ACOXL: variants seen among roughly 807,000 people sequenced by gnomAD.
ACOXL encodes the protein acyl-coenzyme A oxidase-like protein.
ACOXL carries 70 observed loss-of-function variants against 71.9 expected under a neutral mutation model. The ratio of observed to expected loss-of-function variants is 0.97; its 90% CI spans 0.80 to 1.19. The LOEUF (loss-of-function observed/expected upper bound fraction) is 1.19. ACOXL is among the 50% of genes most tolerant of loss of function. ACOXL has a pLI of 0.00. For missense variants in ACOXL, 703 were observed against 736.3 expected (o/e 0.95, Z 0.52); for synonymous variants, 253 against 281.6 (o/e 0.90, Z 1.02).
chr2:110,872,567 AG>A (rs1695408340), intron 10 of ACOXL, among the ~76,000 whole-genome samples: 1 of 152,218 alleles, frequency 6.6e-6, no homozygotes, highest in Non-Finnish European at 1.5e-5. Context: ...AGCCTCTCCC[AG>A]GTTCTCATGC....
At chr2:111,106,359 T>C (rs2069539529) in intron 17 of ACOXL, among the ~76,000 whole-genome samples, 1 of 152,220 alleles carries the variant, frequency 6.6e-6, no homozygotes, top group South Asian at 2.1e-4. Flanking sequence ...ATAATTTCTA[T>C]TTGGGCTCCT....
chr2:111,068,712 C>T (rs78710793), intron 16 of ACOXL, among the ~76,000 whole-genome samples: 20 of 152,304 alleles, frequency 1.3e-4, no homozygotes, highest in African/African-American at 2.4e-4. Flanking sequence ...TGGTCACCGA[C>T]GGGTTTCTTT....
At chr2:111,102,291 G>T (rs1402401143) in intron 17 of ACOXL, among the ~76,000 whole-genome samples, 1 of 152,164 alleles carries the variant, frequency 6.6e-6, no homozygotes, top group Non-Finnish European at 1.5e-5. Flanking sequence ...CAGTAAAAGG[G>T]ACCCTGAGGT....
chr2:110,912,089 A>G (rs748628820), intron 11 of ACOXL, among the ~76,000 whole-genome samples: 37 of 152,102 alleles, frequency 2.4e-4, no homozygotes, highest in Non-Finnish European at 4.9e-4. Flanking sequence ...AAAGAATAAA[A>G]TACTTAAGGA....
At position 110,874,358 on chromosome 2, in the gene ACOXL, C is replaced by T. The variant is rs1695636524; in HGVS notation, c.788+32953C>T. Among the ~76,000 whole-genome samples, 6 of 152,276 alleles carry T rather than the reference C, an allele frequency of 3.9e-5. No individual in the cohort carries two copies. In the South Asian group the frequency reaches 1.2e-3, roughly 32 times the overall value. ...AAATACGTCTCTCCCACCCCCACCC[C>T]AGCCCCTGGTTTCCCTTCCAGCCAC... is the stretch of plus-strand genomic sequence containing the variant. On this transcript the variant is annotated intron_variant, in intron 10 of 17. Coordinates refer to ENST00000439055, the MANE Select transcript of ACOXL (RefSeq NM_001142807.4).
Position 111,117,772 on chromosome 2 carries a change from G to T in ACOXL, c.1699G>T (p.Glu567Ter). The change falls in exon 18 of 18, where the codon GAA (glutamate) becomes TAA (stop). Residue 567 changes from glutamate to a stop codon, truncating the protein, a stop_gained. Coordinates refer to ENST00000439055, the MANE Select transcript of ACOXL (RefSeq NM_001142807.4). LOFTEE classifies it low-confidence loss of function (END_TRUNC). ...YPAPLQPRPR[E>*]EARSRRPKLG... ...TGCACCGCTGCAGCCGCGGCCACGG[G>T]AAGAGGCGCGCTCCCGGCGGCCCAA... 1 of 1,551,152 alleles carries T rather than the reference G, an allele frequency of 6.4e-7. No homozygotes were observed. Among genetic ancestry groups the T allele is most frequent in the African/African-American group, 1.4e-5 (1 of 73,176 alleles).
intron 14 of ACOXL, among the ~76,000 whole-genome samples, chr2:111,025,152 A>C (rs2149722512): frequency 6.6e-6 from 1 of 152,242 alleles, no homozygotes; most frequent in South Asian, 2.1e-4. Flanking sequence ...TAGAAATGGA[A>C]CAGCTTAGGT....
intron 13 of ACOXL, 43 bp downstream of exon 13, chr2:110,987,260 A>T (rs919014590): frequency 6.6e-7 from 1 of 1,518,320 alleles, no homozygotes; most frequent in Non-Finnish European, 9.0e-7. Context: ...TCAGTGGGTT[A>T]TCATGAAGCC....
chr2:110,776,118 A>G (rs1023020960), intron 2 of ACOXL, among the ~76,000 whole-genome samples: 2 of 152,260 alleles, frequency 1.3e-5, no homozygotes, highest in Non-Finnish European at 2.9e-5. Flanking sequence ...AATACATGCT[A>G]TAACACGTAT....
chr2:110,966,959 C>T (rs2061959170), intron 12 of ACOXL, among the ~76,000 whole-genome samples: 1 of 152,194 alleles, frequency 6.6e-6, no homozygotes, highest in South Asian at 2.1e-4. Flanking sequence ...GATTAAATGT[C>T]ATCTCATAAT....
intron 15 of ACOXL, among the ~76,000 whole-genome samples, chr2:111,042,209 C>CAGTCTT (rs1300577528): frequency 2.6e-5 from 4 of 152,264 alleles, no homozygotes; most frequent in South Asian, 4.1e-4. Context: ...TAGGGAAATA[C>CAGTCTT]AGTCTTAGTC....
At chr2:111,095,700 A>G (rs764575008) in intron 17 of ACOXL, among the ~76,000 whole-genome samples, 1 of 152,048 alleles carries the variant, frequency 6.6e-6, no homozygotes, top group Non-Finnish European at 1.5e-5. Context: ...CTGCTTTTGT[A>G]TTCTTACAGT....
chr2:110,813,261 A>C (rs1414007696), intron 9 of ACOXL, among the ~76,000 whole-genome samples: 2 of 152,234 alleles, frequency 1.3e-5, no homozygotes, highest in Admixed American at 1.3e-4. Flanking sequence ...TTCAAGGAAC[A>C]GAACTCCCTT....
In ACOXL at chr2:110,944,830, A is replaced by G. The variant is rs559015664; in HGVS notation, c.1059+11188A>G. Among the ~76,000 whole-genome samples the G allele has an allele frequency of 2.0e-5, 3 of 152,368 alleles. No individual in the cohort carries two copies. In the South Asian group the frequency reaches 6.2e-4, roughly 32 times the overall value. ...ATACGCGTGCATGTGTCTTTATGGTAGAATGATTTATATTTATTTGGACAT... is the reference window on the plus strand; with the variant it reads ...ATACGCGTGCATGTGTCTTTATGGTGGAATGATTTATATTTATTTGGACAT... On this transcript the variant is annotated intron_variant, in intron 12 of 17. Coordinates refer to ENST00000439055, the MANE Select transcript of ACOXL (RefSeq NM_001142807.4).
chr2:110,958,412 A>G (rs192969063), intron 12 of ACOXL, among the ~76,000 whole-genome samples: 113 of 152,272 alleles, frequency 7.4e-4, no homozygotes, highest in Non-Finnish European at 1.2e-3. Flanking sequence ...AAGAACCGCT[A>G]TTGGTTCAGG....
rs11901092 is a variant in ACOXL, at chr2:110,994,681, T to G, written c.1170-1212T>G. Among the ~76,000 whole-genome samples, 891 of 152,310 alleles carry G rather than the reference T, an allele frequency of 5.8e-3. 6 individuals are homozygous for G. The highest frequency in any genetic ancestry group is 0.02 in the African/African-American group (817 of 41,556). ...ACGAGCTTTTAATTGTGAACTTGGT[T>G]GTTTTGAGTCTGTGCTTACCTCTCT... On this transcript the variant is annotated intron_variant, in intron 13 of 17. Coordinates refer to ENST00000439055, the MANE Select transcript of ACOXL (RefSeq NM_001142807.4).
intron 16 of ACOXL, among the ~76,000 whole-genome samples, chr2:111,057,185 G>A (rs2066582254): frequency 1.3e-5 from 2 of 152,318 alleles, no homozygotes; most frequent in African/African-American, 4.8e-5. Flanking sequence ...TTAACCAACT[G>A]TGTGGGTTCC....
chr2:111,004,822 A>G (rs937792902), intron 14 of ACOXL, among the ~76,000 whole-genome samples: 3 of 152,154 alleles, frequency 2.0e-5, no homozygotes, highest in African/African-American at 7.2e-5. Context: ...TGAGACTTTG[A>G]GGGTCGGGAC....
At chr2:111,074,732 C>G (rs1219755723) in intron 16 of ACOXL, among the ~76,000 whole-genome samples, 1 of 151,984 alleles carries the variant, frequency 6.6e-6, no homozygotes, top group Non-Finnish European at 1.5e-5. Context: ...ATACCTGGGA[C>G]TATGGGTGTG....
Sources: allele counts gnomAD v4.1 joint callset (sites outside exome capture counted in the v4.1 genomes callset), GRCh38; gene constraint gnomAD v4.1.1; transcripts MANE v1.5; gene names NCBI Gene and HGNC (gene_info 2026-07-23, HGNC 2026-07-21).